Variants in C1D observed in about 807,000 individuals in gnomAD.
C1D encodes the protein nuclear nucleic acid-binding protein C1D.
A neutral mutation model predicts 17.5 loss-of-function variants in C1D; 10 were observed. The ratio of observed to expected loss-of-function variants is 0.57; its 90% confidence interval spans 0.35 to 0.97. The LOEUF (loss-of-function observed/expected upper bound fraction) is 0.97, where lower values mean the gene tolerates loss of function less well. Among genes scored for constraint, C1D ranks in the 50% least tolerant of loss-of-function variants. C1D has a pLI of 0.01. For synonymous variants in C1D, 49 were observed against 54.0 expected (o/e 0.91, Z 0.40); for missense variants, 136 against 160.1 (o/e 0.85, Z 0.81).
At position 68,042,848 on chromosome 2, in the gene C1D, AAGATGT is replaced by A; in HGVS notation, c.*35_*40del. 5.1e-6 allele frequency: 1 copy of A among 194,274 alleles called. No homozygotes were observed. The highest frequency in any genetic ancestry group is 8.8e-5 in the East Asian group (1 of 11,354). 12.0% of individuals were successfully genotyped at this position (194,274 alleles called of 1,614,324 possible). On this transcript the variant is annotated 3_prime_UTR_variant, in exon 5 of 5. Coordinates refer to ENST00000410067, the MANE Select transcript of C1D (RefSeq NM_173177.3). Reference sequence around the variant, plus strand: ...TTTTGCGGGGGGGGGGGGGGGGGGGAAGATGTACTTTTTGAATATGTGTACATCAAA... The same window carrying A: ...TTTTGCGGGGGGGGGGGGGGGGGGGAACTTTTTGAATATGTGTACATCAAA...
chr2:68,054,378 T>C (rs1230773091), intron 1 of C1D, among the ~76,000 whole-genome samples: 3 of 152,112 alleles, frequency 2.0e-5, no homozygotes, highest in Non-Finnish European at 4.4e-5. Context: ...AAGAAACTGG[T>C]TTACATAGGG....
At chr2:68,058,635 T>C (rs1671508433) in intron 1 of C1D, among the ~76,000 whole-genome samples, 1 of 152,114 alleles carries the variant, frequency 6.6e-6, no homozygotes, top group African/African-American at 2.4e-5. Context: ...ACAAATCCCA[T>C]CAGTGGATTT....
At chr2:68,055,658 A>C (rs1232326342) in intron 1 of C1D, among the ~76,000 whole-genome samples, 2 of 152,242 alleles carry the variant, frequency 1.3e-5, no homozygotes, top group African/African-American at 4.8e-5. Flanking sequence ...CAAATTATTG[A>C]TAATTCTGTC....
intron 3 of C1D, 105 bp downstream of exon 3, chr2:68,046,239 G>T: frequency 2.1e-6 from 2 of 944,004 alleles, no homozygotes; most frequent in Non-Finnish European, 3.3e-6. Flanking sequence ...TATTAAAAGT[G>T]TTATAAAGTA....
At position 68,043,002 on chromosome 2, in the gene C1D, T is replaced by G. The variant is rs1326226377; in HGVS notation, c.313A>C (p.Lys105Gln). The G allele has an allele frequency of 1.2e-6, 2 of 1,611,434 alleles. No homozygotes were observed. ...NRVKEITDKK[K>Q]AGKLDRGAAS... is the part of the protein sequence containing the mutation. ...GCACCTCTGTCCAGCTTGCCAGCCT[T>G]TTTCTTGTCTGTTATTTCCTTGACT... The change falls in exon 5 of 5, where the codon AAG (lysine) becomes CAG (glutamine). Residue 105 changes from lysine (K) to glutamine (Q), a missense_variant. Lys to Gln is a moderately conservative substitution (Grantham distance 53). Transcript: ENST00000410067.
At position 68,053,940 on chromosome 2, in the gene C1D, T is replaced by G. The variant is rs562797217; in HGVS notation, c.-9-6621A>C. ...TTCTCTGCATGCTCTCCTTCTATGCTCTCTGTCTGGACAAATACAACAACT... is the reference window on the plus strand; with the variant it reads ...TTCTCTGCATGCTCTCCTTCTATGCGCTCTGTCTGGACAAATACAACAACT... On this transcript the variant is annotated intron_variant, in intron 1 of 4. Coordinates refer to ENST00000410067, the MANE Select transcript of C1D (RefSeq NM_173177.3). 3.9e-5 allele frequency among the ~76,000 whole-genome samples: 5 copies of G among 129,004 alleles called. No homozygotes were observed. The South Asian group carries it at 1.2e-3, about 32-fold the overall frequency. The allele number at this position is 129,004 out of a possible 152,430, so 84.6% of individuals were successfully genotyped here. A position where few individuals can be genotyped will look rare whatever the true frequency, so the allele number is the denominator to read the frequency against.
At chr2:68,044,695 A>C (rs994178154) in intron 4 of C1D, among the ~76,000 whole-genome samples, 2 of 152,082 alleles carry the variant, frequency 1.3e-5, no homozygotes, top group Non-Finnish European at 2.9e-5. Context: ...GCGACAGAGC[A>C]AGACTCCATC....
At chr2:68,044,859 A>G (rs935053268) in intron 4 of C1D, among the ~76,000 whole-genome samples, 2 of 152,244 alleles carry the variant, frequency 1.3e-5, no homozygotes, top group African/African-American at 2.4e-5. Context: ...CAAAGACAGT[A>G]TCAAGTATTC....
In C1D at chr2:68,045,415, C is replaced by G. The variant is rs1386330086; in HGVS notation, c.261+573G>C. On this transcript the variant is annotated intron_variant, in intron 4 of 4. Transcript: ENST00000410067. ...TGAAGTCAGCAAAAACTCCAAGATA[C>G]CAGACCTTATATACTGTACTTATAC... Among the ~76,000 whole-genome samples the G allele has an allele frequency of 2.6e-5, 4 of 152,048 alleles. No individual in the cohort carries two copies. In the East Asian group the frequency reaches 7.7e-4, roughly 29 times the overall value.
Position 68,054,297 on chromosome 2 carries a change from C to T in C1D, c.-9-6978G>A, listed in dbSNP as rs537459116. 9.8e-5 allele frequency among the ~76,000 whole-genome samples: 15 copies of T among 152,298 alleles called. No homozygotes were observed. In the East Asian group the frequency reaches 2.5e-3, roughly 25 times the overall value. ...GAGAACAGAAGCATCAGAGGAGTTA[C>T]CCTTTGCACCAGTCAGGTTTCAACT... On this transcript the variant is annotated intron_variant, in intron 1 of 4. Coordinates refer to ENST00000410067, the MANE Select transcript of C1D (RefSeq NM_173177.3).
In C1D at chr2:68,053,118, T is replaced by C. The variant is rs144425836; in HGVS notation, c.-9-5799A>G. On this transcript the variant is annotated intron_variant, in intron 1 of 4. Transcript: ENST00000410067. Reference sequence around the variant, plus strand: ...TATAGGTACTCCTTGCCCTTCCACATACTCCTTCTAAAACACTGGCTGCAG... The same window carrying C: ...TATAGGTACTCCTTGCCCTTCCACACACTCCTTCTAAAACACTGGCTGCAG... 4.8e-4 allele frequency: 737 copies of C among 1,550,874 alleles called. 5 individuals carry two copies. In the African/African-American group the frequency reaches 9.1e-3, roughly 19 times the overall value.
chr2:68,062,081 A>G (rs1374961148), intron 1 of C1D, among the ~76,000 whole-genome samples: 2 of 152,232 alleles, frequency 1.3e-5, no homozygotes, highest in Non-Finnish European at 2.9e-5. Flanking sequence ...AACACAAAGG[A>G]TAAGTGCCTG....
chr2:68,052,453 CA>C (rs1225058593), intron 1 of C1D, among the ~76,000 whole-genome samples: 1 of 151,682 alleles, frequency 6.6e-6, no homozygotes, highest in Non-Finnish European at 1.5e-5. Context: ...TTTTAAAAAA[CA>C]AAAAAAGGTC....
Position 68,050,530 on chromosome 2 carries a change from C to A in C1D, c.-9-3211G>T, listed in dbSNP as rs191129002. ...TAAATTCAATGGTCAATTCTCAGTTCTCCTTGAGTGACACTGTTGACTGCC... is the reference window on the plus strand; with the variant it reads ...TAAATTCAATGGTCAATTCTCAGTTATCCTTGAGTGACACTGTTGACTGCC... On this transcript the variant is annotated intron_variant, in intron 1 of 4. Coordinates refer to ENST00000410067, the MANE Select transcript of C1D (RefSeq NM_173177.3). 4.5e-3 allele frequency among the ~76,000 whole-genome samples: 692 copies of A among 152,274 alleles called. 18 individuals carry two copies. The highest frequency in any genetic ancestry group is 0.04 in the Admixed American group (619 of 15,290).
Position 68,046,270 on chromosome 2 carries a change from G to A in C1D, c.205+74C>T, listed in dbSNP as rs1558580804. 3.0e-5 allele frequency: 35 copies of A among 1,158,452 alleles called. No individual in the cohort carries two copies. The East Asian group carries it at 8.0e-4, about 27-fold the overall frequency. 71.8% of individuals were successfully genotyped at this position (1,158,452 alleles called of 1,614,324 possible). ...AAGTATAATTGTAAATAAATTGTTA[G>A]CATTTTAAAAATAAATCATCTTTCA... On this transcript the variant is annotated intron_variant, in intron 3 of 4. Transcript: ENST00000410067.
At chr2:68,051,175 C>A (rs1671270114) in intron 1 of C1D, among the ~76,000 whole-genome samples, 2 of 152,344 alleles carry the variant, frequency 1.3e-5, no homozygotes, top group South Asian at 4.1e-4. Flanking sequence ...TGCCATGCTT[C>A]TGCTCAGAAA....
At chr2:68,057,742 A>G (rs1428313925) in intron 1 of C1D, among the ~76,000 whole-genome samples, 2 of 152,186 alleles carry the variant, frequency 1.3e-5, no homozygotes, top group East Asian at 3.8e-4. Context: ...TACCAGATAA[A>G]AATGTCATTT....
Position 68,062,760 on chromosome 2 carries a change from C to G in C1D, c.-10+198G>C, listed in dbSNP as rs895694487. Among the ~76,000 whole-genome samples, 5 of 152,152 alleles carry G rather than the reference C, an allele frequency of 3.3e-5. No homozygotes were observed. The South Asian group carries it at 1.0e-3, about 32-fold the overall frequency. On this transcript the variant is annotated intron_variant, in intron 1 of 4. Coordinates refer to ENST00000410067, the MANE Select transcript of C1D (RefSeq NM_173177.3). Reference sequence around the variant, plus strand: ...GTAAGCCAAAGCCTGCAAGCAGCCCCAAAACAAGCGGAAGTGGGGGACCTG... The same window carrying G: ...GTAAGCCAAAGCCTGCAAGCAGCCCGAAAACAAGCGGAAGTGGGGGACCTG...
chr2:68,061,417 T>C (rs780916689), intron 1 of C1D, among the ~76,000 whole-genome samples: 1 of 152,204 alleles, frequency 6.6e-6, no homozygotes, highest in Non-Finnish European at 1.5e-5. Context: ...TAGGAGAGTA[T>C]ATAAATTACG....
Sources: gnomAD v4.1 joint callset for allele counts (sites outside exome capture counted in the v4.1 genomes callset) on GRCh38, gnomAD v4.1.1 for gene constraint, MANE v1.5 for transcripts, NCBI Gene and HGNC (gene_info 2026-07-23, HGNC 2026-07-21) for gene names.